The following KCNK17 variants were observed in gnomAD, a reference collection of about 807,000 sequenced individuals.
KCNK17 encodes the protein potassium two pore domain channel subfamily K member 17.
Under a neutral mutation model 24.6 loss-of-function variants are expected in KCNK17, and 27 were observed. That is an observed-to-expected ratio of 1.10 (90% CI 0.81 to 1.51). The LOEUF is 1.51. KCNK17 is among the 40% of genes most tolerant of loss of function. KCNK17 has a pLI of 0.00. For synonymous variants in KCNK17, 181 were observed against 189.8 expected (o/e 0.95, Z 0.38); for missense variants, 450 against 436.6 (o/e 1.03, Z -0.27).
intron 1 of KCNK17, among the ~76,000 whole-genome samples, chr6:39,313,120 G>T (rs1762174985): frequency 6.6e-6 from 1 of 152,128 alleles, no homozygotes; most frequent in African/African-American, 2.4e-5. Flanking sequence ...TGGACGAAGG[G>T]GTGGGGAACC....
chr6:39,313,086 G>T (rs1022551755), intron 1 of KCNK17, among the ~76,000 whole-genome samples: 1 of 152,196 alleles, frequency 6.6e-6, no homozygotes, highest in Non-Finnish European at 1.5e-5. Context: ...GGGCTGGCGC[G>T]CAGCTGTCTG....
chr6:39,311,602 A>T (rs562184735), intron 1 of KCNK17, among the ~76,000 whole-genome samples: 1 of 152,328 alleles, frequency 6.6e-6, no homozygotes, highest in African/African-American at 2.4e-5. Context: ...ATAAGGTATT[A>T]TGTGTAGACT....
At position 39,299,286 on chromosome 6, in the gene KCNK17, C is replaced by T. The variant is rs187474124; in HGVS notation, c.*141G>A. The T allele has an allele frequency of 3.0e-6, 2 of 659,262 alleles. No individual in the cohort carries two copies. The highest frequency in any genetic ancestry group is 5.2e-6 in the Non-Finnish European group (2 of 386,256). 40.8% of individuals were successfully genotyped at this position (659,262 alleles called of 1,614,324 possible). ...CACCCAGGACATGTCTCTGTATACC[C>T]TATTGGGCAGAATTAATCATATAGC... is the stretch of plus-strand genomic sequence containing the variant. On this transcript the variant is annotated 3_prime_UTR_variant, in exon 5 of 5. Coordinates refer to ENST00000373231, the MANE Select transcript of KCNK17 (RefSeq NM_031460.4).
intron 4 of KCNK17, among the ~76,000 whole-genome samples, chr6:39,303,408 T>C (rs1303874570): frequency 6.6e-6 from 1 of 152,236 alleles, no homozygotes; most frequent in Non-Finnish European, 1.5e-5. Flanking sequence ...GGCTGGTGGC[T>C]TCTAGGGCCC....
chr6:39,300,807 C>T (rs954941091), intron 4 of KCNK17, among the ~76,000 whole-genome samples: 4 of 152,172 alleles, frequency 2.6e-5, no homozygotes, highest in African/African-American at 9.7e-5. Flanking sequence ...GCTCCAAATG[C>T]TCTTCATTTT....
intron 2 of KCNK17, among the ~76,000 whole-genome samples, chr6:39,307,625 G>T (rs1476679072): frequency 1.3e-5 from 2 of 152,128 alleles, no homozygotes; most frequent in Non-Finnish European, 2.9e-5. Context: ...CATTAAATGG[G>T]TTTTTTTCCT....
intron 2 of KCNK17, among the ~76,000 whole-genome samples, chr6:39,309,305 C>T (rs1762090790): frequency 6.6e-6 from 1 of 152,168 alleles, no homozygotes; most frequent in Non-Finnish European, 1.5e-5. Context: ...GCCTGGGTGA[C>T]ACAGCGAGAC....
intron 4 of KCNK17, among the ~76,000 whole-genome samples, chr6:39,300,184 G>A (rs1376573036): frequency 1.3e-5 from 2 of 152,100 alleles, no homozygotes; most frequent in South Asian, 2.1e-4. Flanking sequence ...GTTTAGTGGC[G>A]TGATCTCGGC....
chr6:39,299,301 A>C lies in KCNK17; in HGVS notation c.*126T>G. On this transcript the variant is annotated 3_prime_UTR_variant, in exon 5 of 5. Transcript: ENST00000373231. ...TCTGTATACCCTATTGGGCAGAATTAATCATATAGCTGCACCCAGCCTCTA... is the reference window on the plus strand; with the variant it reads ...TCTGTATACCCTATTGGGCAGAATTCATCATATAGCTGCACCCAGCCTCTA... The C allele has an allele frequency of 1.4e-6, 1 of 710,784 alleles. No homozygotes were observed. Among genetic ancestry groups the C allele is most frequent in the East Asian group, 2.7e-5 (1 of 37,008 alleles). 44.0% of individuals were successfully genotyped at this position (710,784 alleles called of 1,614,324 possible).
chr6:39,314,027 C>G (rs2113844248), intron 1 of KCNK17, 57 bp downstream of exon 1: 1 of 1,376,992 alleles, frequency 7.3e-7, no homozygotes, highest in East Asian at 2.6e-5. Context: ...GGCCCGTACA[C>G]CCCGCGGCCC....
intron 4 of KCNK17, 131 bp downstream of exon 4, chr6:39,303,826 T>A (rs1761984850): frequency 1.0e-6 from 1 of 997,046 alleles, no homozygotes; most frequent in Admixed American, 2.0e-5. Context: ...GGTAGGACAG[T>A]GTCTCCGGAT....
At chr6:39,299,845 C>T (rs2113833145) in intron 4 of KCNK17, 108 bp from the exon 5 acceptor site, 2 of 1,159,400 alleles carry the variant, frequency 1.7e-6, no homozygotes, top group African/African-American at 1.5e-5. Flanking sequence ...AGTTGAGGTG[C>T]CAATGGGACA....
chr6:39,311,098 AC>A lies in KCNK17; in HGVS notation c.238-92del. The stretch of plus-strand genomic sequence containing the variant: ...CACACACACACACACACACACACAC[AC>A]ACACACACACACACACACACAAACA... On this transcript the variant is annotated intron_variant, in intron 1 of 4. Transcript: ENST00000373231. The A allele has an allele frequency of 3.2e-5, 18 of 570,246 alleles. No individual in the cohort carries two copies. In the African/African-American group the frequency reaches 3.2e-4, roughly 10 times the overall value. 35.3% of individuals were successfully genotyped at this position (570,246 alleles called of 1,614,324 possible). A position where few individuals can be genotyped will look rare whatever the true frequency, so the allele number is the denominator to read the frequency against.
At chr6:39,308,474 A>G (rs1762073380) in intron 2 of KCNK17, among the ~76,000 whole-genome samples, 6 of 152,202 alleles carry the variant, frequency 3.9e-5, no homozygotes. Flanking sequence ...TATTTTTAGA[A>G]GAGATGGGGT....
intron 4 of KCNK17, among the ~76,000 whole-genome samples, chr6:39,303,073 C>T (rs1257624989): frequency 6.6e-6 from 1 of 152,246 alleles, no homozygotes; most frequent in Non-Finnish European, 1.5e-5. Flanking sequence ...CCTCTCTGAG[C>T]TTCAGCTTCC....
chr6:39,302,763 T>C (rs1348738745), intron 4 of KCNK17, among the ~76,000 whole-genome samples: 1 of 152,128 alleles, frequency 6.6e-6, no homozygotes, highest in African/African-American at 2.4e-5. Flanking sequence ...GGTGGGAACA[T>C]GACCCAGTTG....
intron 2 of KCNK17, among the ~76,000 whole-genome samples, chr6:39,309,365 T>C (rs1440929298): frequency 3.3e-5 from 5 of 151,684 alleles, no homozygotes; most frequent in Non-Finnish European, 4.4e-5. Flanking sequence ...TTCTTGGAGG[T>C]TGCCATAGGG....
At chr6:39,304,182 T>C (rs777278699) in intron 3 of KCNK17, 51 bp from the exon 4 acceptor site, 59 of 1,562,212 alleles carry the variant, frequency 3.8e-5, no homozygotes, top group Non-Finnish European at 4.8e-5. Context: ...ACCCCATGCG[T>C]GGGAGCCGAG....
intron 1 of KCNK17, among the ~76,000 whole-genome samples, chr6:39,312,360 G>C (rs1183065091): frequency 1.3e-5 from 2 of 152,112 alleles, no homozygotes; most frequent in African/African-American, 4.8e-5. Context: ...CCACAGGAGT[G>C]TTGAGGAAGG....
Sources: gnomAD v4.1 joint callset for allele counts (sites outside exome capture counted in the v4.1 genomes callset) on GRCh38, gnomAD v4.1.1 for gene constraint, MANE v1.5 for transcripts, NCBI Gene and HGNC (gene_info 2026-07-23, HGNC 2026-07-21) for gene names.